THBS2: variants seen among roughly 807,000 people sequenced by gnomAD.
THBS2 encodes thrombospondin-2.
A neutral mutation model predicts 135.2 loss-of-function variants in THBS2; 47 were observed. The ratio of observed to expected loss-of-function variants is 0.35; its 90% confidence interval spans 0.28 to 0.44. The LOEUF (loss-of-function observed/expected upper bound fraction) is 0.44, where lower values mean the gene tolerates loss of function less well. Ranked by LOEUF, THBS2 falls within the 20% of genes least tolerant of loss-of-function variation. THBS2 has a pLI of 1.00. For missense variants in THBS2, 1,288 were observed against 1,603.1 expected, an observed-to-expected ratio of 0.80 and a Z score of 3.36; for synonymous variants, 639 against 633.8, an observed-to-expected ratio of 1.01 and a Z score of -0.12.
Position 169,237,770 on chromosome 6 carries a change from A to T in THBS2, c.1155T>A (p.Ser385=), listed in dbSNP as rs1343635291. 6.2e-7 allele frequency: 1 copy of T among 1,611,154 alleles called. No individual in the cohort carries two copies. The highest frequency in any genetic ancestry group is 8.5e-7 in the Non-Finnish European group (1 of 1,179,856). Residue 385 remains serine (S), a synonymous_variant, in exon 8 of 22, where the codon TCT becomes TCA. Coordinates refer to ENST00000617924, the MANE Select transcript of THBS2 (RefSeq NM_003247.5). ...LHSVDGEEGW[S]PWAEWTQCSV... ...AGCACTGGGTCCACTCTGCCCACGG[A>T]GACCAGCCCTCCTCACCGTCCACCG...
At position 169,234,855 on chromosome 6, in the gene THBS2, A is replaced by G; in HGVS notation, c.1530T>C (p.Cys510=). ...WSPWSACTVT[C]AGGIRERTRV... is the part of the protein sequence containing the mutation. ...GGGTGCGCTCCCGGATCCCACCGGC[A>G]CAGGTGACAGTGCAGGCCGACCACG... Residue 510 remains cysteine (C), a synonymous_variant, in exon 10 of 22, where the codon TGT becomes TGC. Transcript: ENST00000617924. The G allele has an allele frequency of 6.2e-7, 1 of 1,613,046 alleles. No homozygotes were observed. The highest frequency in any genetic ancestry group is 1.1e-5 in the South Asian group (1 of 91,024).
At chr6:169,237,494 A>C in intron 8 of THBS2, 131 bp downstream of exon 8, 1 of 1,506,312 alleles carries the variant, frequency 6.6e-7, no homozygotes, top group Non-Finnish European at 9.1e-7. Flanking sequence ...AAAGAGCCTC[A>C]CCTGGCTAGA....
chr6:169,248,346 A>T (rs757481535), intron 3 of THBS2, 71 bp downstream of exon 3: 50 of 1,499,738 alleles, frequency 3.3e-5, no homozygotes, highest in Non-Finnish European at 3.9e-5. Flanking sequence ...GCATCACCAG[A>T]CGCATTAGCA....
At chr6:169,242,884 TCCCACCTTCCCAGTGCTCCCATCTTC>T in intron 4 of THBS2, among the ~76,000 whole-genome samples, 1 of 29,904 alleles carries the variant, frequency 3.3e-5, no homozygotes. Flanking sequence ...TTCCCACCAC[TCCCACCTTCCCAGTGCTCCCATCTTC>T]CCACCTTCCC....
chr6:169,230,157 G>A (rs1441523691), intron 13 of THBS2, among the ~76,000 whole-genome samples: 2 of 152,218 alleles, frequency 1.3e-5, no homozygotes, highest in Non-Finnish European at 2.9e-5. Context: ...AACCAGGGCT[G>A]AGAACTTGAA....
chr6:169,248,594 C>T lies in THBS2; in HGVS notation c.432G>A (p.Leu144=), dbSNP rs1780643020. ...RHVVSLEDVG[L]ADSQWKNVTV... is the part of the protein sequence containing the mutation. Reference sequence around the variant, plus strand: ...TGACGTTCTTCCACTGCGAGTCAGCCAGGCCGACGTCCTCCAGGGAGACCA... The same window carrying T: ...TGACGTTCTTCCACTGCGAGTCAGCTAGGCCGACGTCCTCCAGGGAGACCA... Residue 144 remains leucine, a synonymous_variant, in exon 3 of 22, where the codon CTG becomes CTA. Coordinates refer to ENST00000617924, the MANE Select transcript of THBS2 (RefSeq NM_003247.5). The T allele has an allele frequency of 1.9e-6, 3 of 1,613,918 alleles. No homozygotes were observed. Among genetic ancestry groups the T allele is most frequent in the Non-Finnish European group, 1.7e-6 (2 of 1,180,048 alleles).
chr6:169,234,719 C>G lies in THBS2; in HGVS notation c.1651+15G>C. ...AGCCCGGGTTTCAGTGCCCCCGCTT[C>G]TACCCCTCACTCACCCACGGGGCAG... is the stretch of plus-strand genomic sequence containing the variant. On this transcript the variant is annotated intron_variant, in intron 10 of 21. Transcript: ENST00000617924. 6.5e-7 allele frequency: 1 copy of G among 1,535,032 alleles called. No homozygotes were observed. Among genetic ancestry groups the G allele is most frequent in the Non-Finnish European group, 8.8e-7 (1 of 1,133,714 alleles).
intron 9 of THBS2, among the ~76,000 whole-genome samples, chr6:169,236,326 CCCCCATCCACACTCACT>C (rs1780065980): frequency 1.4e-5 from 1 of 71,528 alleles, no homozygotes. Flanking sequence ...CACACTCACT[CCCCCATCCACACTCACT>C]CCCCATCCAC....
At chr6:169,247,089 C>T (rs73046015) in intron 3 of THBS2, among the ~76,000 whole-genome samples, 1 of 152,036 alleles carries the variant, frequency 6.6e-6, no homozygotes, top group African/African-American at 2.4e-5. Context: ...TGGTTGTGAT[C>T]AAAAAAGTCT....
intron 3 of THBS2, 49 bp from the exon 4 acceptor site, chr6:169,246,330 T>C: frequency 1.4e-6 from 2 of 1,427,112 alleles, no homozygotes; most frequent in Middle Eastern, 1.8e-4. Flanking sequence ...AAACATCCAA[T>C]GTTTGATGCC....
Position 169,248,697 on chromosome 6 carries a change from T to A in THBS2, c.329A>T (p.Gln110Leu). 6.2e-7 allele frequency: 1 copy of A among 1,613,800 alleles called. No homozygotes were observed. Among genetic ancestry groups the A allele is most frequent in the Non-Finnish European group, 8.5e-7 (1 of 1,179,908 alleles). Residue 110 changes from glutamine to leucine, a missense_variant, in exon 3 of 22, where the codon CAG becomes CTG. By Grantham distance (113) the Gln-to-Leu change is moderately radical. Around this residue, in one of 2 missense-constraint regions of THBS2, gnomAD observed 414 missense variants for 447.0 expected, o/e 0.93. Transcript: ENST00000617924. Reference protein sequence around the residue: ...LLALEGPGLSQRQFEIVSNGP... With the variant: ...LLALEGPGLSLRQFEIVSNGP... ...GTTGGAGACGATCTCGAACTGCCTC[T>A]GGGAGAGACCGGGGCCCTCCAGAGC...
chr6:169,223,523 A>C, intron 17 of THBS2, 48 bp from the exon 18 acceptor site: 2 of 1,560,992 alleles, frequency 1.3e-6, no homozygotes, highest in Non-Finnish European at 8.8e-7. Flanking sequence ...AAAGAAGCAA[A>C]GTCGGTGGTC....
intron 20 of THBS2, 50 bp from the exon 21 acceptor site, chr6:169,220,387 T>C: frequency 6.3e-7 from 1 of 1,578,526 alleles, no homozygotes; most frequent in South Asian, 1.2e-5. Flanking sequence ...CAACATGAAC[T>C]CTGTGAAGCA....
In THBS2 at chr6:169,216,448, AAC is replaced by A. The variant is rs529918689; in HGVS notation, c.*1372_*1373del. 1 of 152,312 alleles carries A rather than the reference AAC, an allele frequency of 6.6e-6. No individual in the cohort carries two copies. Among genetic ancestry groups the A allele is most frequent in the African/African-American group, 2.4e-5 (1 of 41,568 alleles). The allele number at this position is 152,312 out of a possible 1,614,324, so 9.4% of individuals were successfully genotyped here. On this transcript the variant is annotated 3_prime_UTR_variant, in exon 22 of 22. Transcript: ENST00000617924. ...AACCAACAAAAAAAACAAAAACAAA[AAC>A]AAACTTGTGCATATTACACATGACT...
chr6:169,217,147 A>C lies in THBS2; in HGVS notation c.*675T>G, dbSNP rs1342129132. 1 of 152,266 alleles carries C rather than the reference A, an allele frequency of 6.6e-6. No individual in the cohort carries two copies. The highest frequency in any genetic ancestry group is 1.5e-5 in the Non-Finnish European group (1 of 68,054). The allele number at this position is 152,266 out of a possible 1,614,324, so 9.4% of individuals were successfully genotyped here. A position where few individuals can be genotyped will look rare whatever the true frequency, so the allele number is the denominator to read the frequency against. On this transcript the variant is annotated 3_prime_UTR_variant, in exon 22 of 22. Transcript: ENST00000617924. ...GATGTTTGTTCTTTGATGAAACTGC[A>C]TCTCTACTGCACATGAGGGCTTTCA...
rs936252510 is a variant in THBS2, at chr6:169,250,822, A to C, written c.-22-16T>G. On this transcript the variant is annotated splice_polypyrimidine_tract_variant and intron_variant, in intron 1 of 21. Transcript: ENST00000617924. ...AGCTGAGCTCCTGGGAATACAGGAA[A>C]CCCTTGTTAGTGATGAGTCCACAGC... is the stretch of plus-strand genomic sequence containing the variant. The C allele has an allele frequency of 3.8e-6, 6 of 1,599,594 alleles. No individual in the cohort carries two copies. The African/African-American group carries it at 8.0e-5, about 21-fold the overall frequency.
At chr6:169,242,849 G>A (rs1419493532) in intron 4 of THBS2, among the ~76,000 whole-genome samples, 7 of 4,190 alleles carry the variant, frequency 1.7e-3, no homozygotes, top group Admixed American at 0.011. Flanking sequence ...CCTTCCCACT[G>A]CTCCCACCTT....
In THBS2 at chr6:169,232,895, C is replaced by T. The variant is rs1385711762; in HGVS notation, c.1774G>A (p.Asp592Asn). Reference sequence around the variant, plus strand: ...CCCAGGGCGGGGTCACCCACCTCGTCCAGGTCCTCACAGTGGGTGCCATTG... The same window carrying T: ...CCCAGGGCGGGGTCACCCACCTCGTTCAGGTCCTCACAGTGGGTGCCATTG... ...LGNGTHCEDL[D>N]ECALVPDICF... The change falls in exon 11 of 22, where the codon GAC becomes AAC. Residue 592 changes from aspartate to asparagine, a missense_variant. Transcript: ENST00000617924. The T allele has an allele frequency of 1.9e-6, 3 of 1,596,724 alleles. No homozygotes were observed. The highest frequency in any genetic ancestry group is 2.6e-6 in the Non-Finnish European group (3 of 1,171,758).
intron 4 of THBS2, among the ~76,000 whole-genome samples, chr6:169,245,576 A>G (rs1780514643): frequency 6.6e-6 from 1 of 152,142 alleles, no homozygotes; most frequent in African/African-American, 2.4e-5. Context: ...GCAGATCACG[A>G]GGTCAGGAGA....
Sources: gnomAD v4.1 joint callset for allele counts (sites outside exome capture counted in the v4.1 genomes callset) on GRCh38, gnomAD v4.1.1 for gene constraint, gnomAD v4.1.1 regional missense constraint, MANE v1.5 for transcripts, NCBI Gene and HGNC (gene_info 2026-07-23, HGNC 2026-07-21) for gene names.